RNF213: variants seen among roughly 807,000 people sequenced by gnomAD.
RNF213 encodes the protein E3 ubiquitin-protein ligase RNF213.
RNF213 carries 341 observed loss-of-function variants against 514.4 expected under a neutral mutation model. The observed-to-expected ratio is 0.66, with a 90% CI of 0.61 to 0.73. The LOEUF (loss-of-function observed/expected upper bound fraction) is 0.73, where lower values mean the gene tolerates loss of function less well. Ranked by LOEUF, RNF213 falls within the 30% of genes least tolerant of loss-of-function variation. RNF213 has a pLI of 0.00. For missense variants in RNF213, 5,767 were observed against 6,615.6 expected (o/e 0.87, Z 4.45); for synonymous variants, 2,655 against 2,658.2 (o/e 1.00, Z 0.04).
intron 10 of RNF213, among the ~76,000 whole-genome samples, chr17:80,296,477 G>A (rs767835468): frequency 6.6e-6 from 1 of 152,176 alleles, no homozygotes; most frequent in African/African-American, 2.4e-5. Flanking sequence ...CCTGTGCCGT[G>A]TCTAGTTCAG....
intron 18 of RNF213, among the ~76,000 whole-genome samples, chr17:80,326,197 C>T (rs909979346): frequency 3.9e-5 from 6 of 152,038 alleles, no homozygotes; most frequent in Non-Finnish European, 7.4e-5. Context: ...CATCATCGCT[C>T]ACCGTAAGCG....
At chr17:80,272,352 A>G (rs1263659428) in intron 2 of RNF213, among the ~76,000 whole-genome samples, 2 of 152,238 alleles carry the variant, frequency 1.3e-5, no homozygotes, top group Non-Finnish European at 2.9e-5. Flanking sequence ...ACAGTTCTGC[A>G]GACTGAGAAG....
intron 56 of RNF213, 194 bp downstream of exon 56, chr17:80,381,181 C>T: frequency 1.5e-6 from 1 of 656,854 alleles, no homozygotes; most frequent in Non-Finnish European, 2.7e-6. Context: ...AACTACTCCC[C>T]AGATTATACA....
intron 56 of RNF213, 187 bp from the exon 57 acceptor site, chr17:80,381,357 TAAC>T (rs917088746): frequency 1.5e-6 from 1 of 678,676 alleles, no homozygotes; most frequent in Non-Finnish European, 2.7e-6. Flanking sequence ...TATCTCACTG[TAAC>T]AACAGAAAAG....
chr17:80,278,798 T>C, intron 3 of RNF213: 1 of 1,537,206 alleles, frequency 6.5e-7, no homozygotes, highest in South Asian at 1.2e-5. Flanking sequence ...GATGCTGCTG[T>C]AGACCTCATA....
At chr17:80,266,734 T>C (rs2043623721) in intron 2 of RNF213, among the ~76,000 whole-genome samples, 1 of 151,814 alleles carries the variant, frequency 6.6e-6, no homozygotes, top group South Asian at 2.1e-4. Flanking sequence ...ACTCCTGACC[T>C]CAAGTGATGC....
At position 80,393,423 on chromosome 17, in the gene RNF213, A is replaced by G; in HGVS notation, c.15549A>G (p.Glu5183=). Residue 5183 remains glutamate, a synonymous_variant, in exon 68 of 68, where the codon GAA becomes GAG. Transcript: ENST00000582970. ...CTGAAATGGCATCTCAGTTCCCAGA[A>G]GAGATACTGCTCGCCAGCTGTGTCT... ...ILPEMASQFP[E]EILLASCVSV... is the part of the protein sequence containing the mutation. 6.2e-7 allele frequency: 1 copy of G among 1,613,828 alleles called. No individual in the cohort carries two copies. Among genetic ancestry groups the G allele is most frequent in the South Asian group, 1.1e-5 (1 of 91,082 alleles).
intron 36 of RNF213, among the ~76,000 whole-genome samples, chr17:80,358,006 AAAGC>A (rs1352476398): frequency 6.6e-6 from 1 of 152,184 alleles, no homozygotes; most frequent in Non-Finnish European, 1.5e-5. Flanking sequence ...TAAAAATAAA[AAAGC>A]AAACACTACT....
chr17:80,315,725 TACTG>T (rs2045897910), intron 15 of RNF213: 1 of 145,664 alleles, frequency 6.9e-6, no homozygotes, highest in East Asian at 2.0e-4. Flanking sequence ...ATGGTGGAGG[TACTG>T]GAGGTGATGG....
In RNF213 at chr17:80,298,462, C is replaced by T. The variant is rs1230549398; in HGVS notation, c.2154C>T (p.Thr718=). 2 of 1,614,068 alleles carry T rather than the reference C, an allele frequency of 1.2e-6. No individual in the cohort carries two copies. Among genetic ancestry groups the T allele is most frequent in the Non-Finnish European group, 1.7e-6 (2 of 1,180,052 alleles). The change falls in exon 11 of 68, where the codon ACC becomes ACT. Residue 718 remains threonine (T), a synonymous_variant. Transcript: ENST00000582970. Reference sequence around the variant, plus strand: ...ATGCCTGGAGACAGCCTGAGGACACCTGGGCCGCTCTGGAGGGACTCTCCT... The same window carrying T: ...ATGCCTGGAGACAGCCTGAGGACACTTGGGCCGCTCTGGAGGGACTCTCCT... ...HKDAWRQPED[T]WAALEGLSFS... is the part of the protein sequence containing the mutation.
At chr17:80,375,736 T>C in intron 50 of RNF213, 24 bp from the exon 51 acceptor site, 1 of 1,515,562 alleles carries the variant, frequency 6.6e-7, no homozygotes. Context: ...TTTAAATTCT[T>C]ACTTGATACC....
intron 14 of RNF213, 36 bp from the exon 15 acceptor site, chr17:80,312,976 C>T (rs371084300): frequency 1.2e-4 from 187 of 1,612,960 alleles, no homozygotes; most frequent in African/African-American, 1.7e-4. Context: ...AGTCCACAGC[C>T]GAGGATGACT....
rs189860275 is a variant in RNF213 at position 80,276,920 on chromosome 17, G to C, written c.261+3516G>C. Among the ~76,000 whole-genome samples, 23 of 152,098 alleles carry C rather than the reference G, an allele frequency of 1.5e-4. No individual in the cohort carries two copies. The East Asian group carries it at 4.5e-3, about 30-fold the overall frequency. On this transcript the variant is annotated intron_variant, in intron 3 of 67. Coordinates refer to ENST00000582970, the MANE Select transcript of RNF213 (RefSeq NM_001256071.3). Reference sequence around the variant, plus strand: ...ACAAAAAAAAAAATTAGCTGGGCGTGGTGGCGTATGCCTGTAATCCCAGCT... The same window carrying C: ...ACAAAAAAAAAAATTAGCTGGGCGTCGTGGCGTATGCCTGTAATCCCAGCT...
chr17:80,344,595 T>C lies in RNF213; in HGVS notation c.6343-83T>C, dbSNP rs188694295. Reference sequence around the variant, plus strand: ...GTTTTTCATAAAGGTCCATCCAATATAGATAACGTGGAGGGTTAAGACACA... The same window carrying C: ...GTTTTTCATAAAGGTCCATCCAATACAGATAACGTGGAGGGTTAAGACACA... On this transcript the variant is annotated intron_variant, in intron 28 of 67. Coordinates refer to ENST00000582970, the MANE Select transcript of RNF213 (RefSeq NM_001256071.3). The C allele has an allele frequency of 4.4e-5, 65 of 1,465,898 alleles. 1 individual carries two copies. In the African/African-American group the frequency reaches 7.1e-4, roughly 16 times the overall value. The allele number at this position is 1,465,898 out of a possible 1,614,324, so 90.8% of individuals were successfully genotyped here.
intron 16 of RNF213, among the ~76,000 whole-genome samples, chr17:80,318,862 C>T (rs756269750): frequency 7.9e-5 from 12 of 152,340 alleles, no homozygotes; most frequent in South Asian, 6.2e-4. Flanking sequence ...CGTGAGCCAC[C>T]GCGCCCGGCC....
At chr17:80,303,583 T>C (rs1353483192) in intron 11 of RNF213, among the ~76,000 whole-genome samples, 1 of 146,822 alleles carries the variant, frequency 6.8e-6, no homozygotes, top group African/African-American at 2.6e-5. Context: ...TTTTTTTTTT[T>C]GAGACAGTCC....
At chr17:80,372,471 C>A (rs1389838610) in intron 47 of RNF213, 50 bp from the exon 48 acceptor site, 1 of 1,361,402 alleles carries the variant, frequency 7.3e-7, no homozygotes, top group Non-Finnish European at 1.0e-6. Flanking sequence ...CTTGGGGCAT[C>A]CATGTTTAAA....
At chr17:80,319,141 G>C in intron 16 of RNF213, 49 bp from the exon 17 acceptor site, 2 of 1,613,938 alleles carry the variant, frequency 1.2e-6, no homozygotes, top group South Asian at 2.2e-5. Flanking sequence ...TAGAGCACTG[G>C]AGCGCTGCAT....
In RNF213 at chr17:80,324,979, CA is replaced by C. The variant is rs1347363330; in HGVS notation, c.3025-48del. The C allele has an allele frequency of 3.3e-6, 5 of 1,504,262 alleles. No homozygotes were observed. The African/African-American group carries it at 4.2e-5, about 12-fold the overall frequency. 93.2% of individuals were successfully genotyped at this position (1,504,262 alleles called of 1,614,324 possible). On this transcript the variant is annotated intron_variant, in intron 17 of 67. Coordinates refer to ENST00000582970, the MANE Select transcript of RNF213 (RefSeq NM_001256071.3). ...GTAATTTGCTTTTGTTATTTCAAAA[CA>C]AACTAATGAAAAACTTCTAAATGTC...
Sources: gnomAD v4.1 joint callset for allele counts (sites outside exome capture counted in the v4.1 genomes callset) on GRCh38, gnomAD v4.1.1 for gene constraint, MANE v1.5 for transcripts, NCBI Gene and HGNC (gene_info 2026-07-23, HGNC 2026-07-21) for gene names.